LMBR1: variants seen among roughly 807,000 people sequenced by gnomAD.
LMBR1 encodes the protein limb development membrane protein 1, also known as limb region 1 protein homolog.
A neutral mutation model predicts 73.9 loss-of-function variants in LMBR1; 52 were observed. The ratio of observed to expected loss-of-function variants is 0.70; its 90% CI spans 0.56 to 0.89. LMBR1 has a LOEUF of 0.89. Ranked by LOEUF, LMBR1 falls within the 40% of genes least tolerant of loss-of-function variation. The pLI is 0.00. For missense variants in LMBR1, 539 were observed against 579.8 expected (o/e 0.93, Z 0.72); for synonymous variants, 215 against 209.4 (o/e 1.03, Z -0.23).
chr7:156,685,585 C>T lies in LMBR1; in HGVS notation c.1388-1422G>A, dbSNP rs1355018596. On this transcript the variant is annotated intron_variant, in intron 16 of 16. Transcript: ENST00000353442. The surrounding 1 kb of genome is among the most constrained non-coding windows in gnomAD (Gnocchi z 4.1). The stretch of plus-strand genomic sequence containing the variant: ...ATCTGTGCATCTAGAAACATATGAA[C>T]CTAGAAAAGCTGATGCGTGGCGCCA... 1.3e-5 allele frequency among the ~76,000 whole-genome samples: 2 copies of T among 152,202 alleles called. No individual in the cohort carries two copies.
intron 4 of LMBR1, among the ~76,000 whole-genome samples, chr7:156,671,016 A>G (rs1802365417): frequency 6.6e-6 from 1 of 152,076 alleles, no homozygotes; most frequent in Non-Finnish European, 1.5e-5. Flanking sequence ...AAAATTAAGT[A>G]TGCTCAGATC....
intron 4 of LMBR1, among the ~76,000 whole-genome samples, chr7:156,811,448 A>T (rs1337547991): frequency 1.3e-5 from 2 of 151,928 alleles, no homozygotes; most frequent in African/African-American, 4.8e-5. Flanking sequence ...CGTCTCTACT[A>T]AAAATACAAA....
chr7:156,688,440 A>G (rs1213058674), intron 15 of LMBR1, among the ~76,000 whole-genome samples: 1 of 152,092 alleles, frequency 6.6e-6, no homozygotes, highest in Non-Finnish European at 1.5e-5. Context: ...GGTCAGAATG[A>G]ACGCCCCTCG....
At position 156,685,299 on chromosome 7, in the gene LMBR1, C is replaced by A. The variant is rs1433215604; in HGVS notation, c.1388-1136G>T. Among the ~76,000 whole-genome samples, 1 of 152,188 alleles carries A rather than the reference C, an allele frequency of 6.6e-6. No individual in the cohort carries two copies. The highest frequency in any genetic ancestry group is 1.5e-5 in the Non-Finnish European group (1 of 68,032). ...TGTAAGAGCTTCTGTGGCACTGGAG[C>A]GTCAAGCACTTTAATAAAAATGAAA... is the stretch of plus-strand genomic sequence containing the variant. On this transcript the variant is annotated intron_variant, in intron 16 of 16. Transcript: ENST00000353442. This position sits in a 1 kb window ranked among gnomAD's most constrained non-coding sequence, Gnocchi z 4.1.
chr7:156,747,621 G>T (rs959619079), intron 9 of LMBR1, among the ~76,000 whole-genome samples: 8 of 152,014 alleles, frequency 5.3e-5, no homozygotes, highest in African/African-American at 1.9e-4. Flanking sequence ...CTCATAATGA[G>T]TACTATTTGG....
chr7:156,880,602 C>T (rs1370384111), intron 1 of LMBR1, among the ~76,000 whole-genome samples: 1 of 152,078 alleles, frequency 6.6e-6, no homozygotes, highest in African/African-American at 2.4e-5. Context: ...GTCAAAATAT[C>T]CATAATACCC....
chr7:156,888,804 C>A (rs1445760080), intron 1 of LMBR1, among the ~76,000 whole-genome samples: 1 of 152,110 alleles, frequency 6.6e-6, no homozygotes, highest in Non-Finnish European at 1.5e-5. Context: ...CCTGTAATCC[C>A]AGCACTTTGG....
intron 9 of LMBR1, among the ~76,000 whole-genome samples, chr7:156,740,475 A>G (rs1043349430): frequency 5.3e-5 from 8 of 152,178 alleles, no homozygotes; most frequent in Non-Finnish European, 8.8e-5. Context: ...TCAAGGATAA[A>G]GAAAGGATCC....
At chr7:156,781,051 C>T (rs1827045893) in intron 5 of LMBR1, among the ~76,000 whole-genome samples, 1 of 152,136 alleles carries the variant, frequency 6.6e-6, no homozygotes, top group African/African-American at 2.4e-5. Context: ...TTGTAAGAAA[C>T]CTGTAATGCA....
intron 4 of LMBR1, among the ~76,000 whole-genome samples, chr7:156,816,448 G>T (rs1232938511): frequency 6.6e-6 from 1 of 152,174 alleles, no homozygotes; most frequent in Non-Finnish European, 1.5e-5. Flanking sequence ...AGTAATGTCT[G>T]TTGGACAACT....
chr7:156,841,929 T>C lies in LMBR1; in HGVS notation c.67-5044A>G, dbSNP rs528477431. On this transcript the variant is annotated intron_variant, in intron 1 of 16. Transcript: ENST00000353442. ...TGAATAATCCAGTAGAGAGAAAAAT[T>C]ATTGATGCAAGAGAAAAAAGAAGCA... 8.5e-5 allele frequency among the ~76,000 whole-genome samples: 12 copies of C among 140,362 alleles called. 1 individual carries two copies. The South Asian group carries it at 2.4e-3, about 29-fold the overall frequency. 92.1% of individuals were successfully genotyped at this position (140,362 alleles called of 152,430 possible). A position where few individuals can be genotyped will look rare whatever the true frequency, so the allele number is the denominator to read the frequency against.
At chr7:156,824,700 C>A (rs1333379846) in intron 4 of LMBR1, among the ~76,000 whole-genome samples, 1 of 152,002 alleles carries the variant, frequency 6.6e-6, no homozygotes, top group Non-Finnish European at 1.5e-5. Context: ...CAAAAATTAG[C>A]TTGGCGTGGT....
chr7:156,856,369 T>C (rs1796973980), intron 1 of LMBR1, among the ~76,000 whole-genome samples: 1 of 152,114 alleles, frequency 6.6e-6, no homozygotes, highest in Non-Finnish European at 1.5e-5. Context: ...TTAAAAGATC[T>C]TCATAAAAGA....
chr7:156,888,660 G>A (rs966568396), intron 1 of LMBR1, among the ~76,000 whole-genome samples: 1 of 152,314 alleles, frequency 6.6e-6, no homozygotes, highest in South Asian at 2.1e-4. Flanking sequence ...GCTCCCGCCT[G>A]TAATCCCAGC....
intron 1 of LMBR1, among the ~76,000 whole-genome samples, chr7:156,877,836 T>A (rs1398388590): frequency 6.9e-6 from 1 of 145,222 alleles, no homozygotes; most frequent in East Asian, 2.0e-4. Context: ...TGAGCAGAGA[T>A]CGCGCCACTG....
chr7:156,688,034 G>C lies in LMBR1; in HGVS notation c.1383C>G (p.Ala461=), dbSNP rs774775736. The change falls in exon 16 of 17, where the codon GCC becomes GCG. Residue 461 remains alanine (A), a synonymous_variant. Coordinates refer to ENST00000353442, the MANE Select transcript of LMBR1 (RefSeq NM_022458.4). ...ACCCATAAACCTCAGGATTACCTAG[G>C]GCCTTGAAAAGTTCTTCTCGAACTG... ...TSAVREELFK[A]LGLHKLHLPN... The C allele has an allele frequency of 6.3e-7, 1 of 1,598,000 alleles. No individual in the cohort carries two copies. The highest frequency in any genetic ancestry group is 1.1e-5 in the South Asian group (1 of 87,058).
chr7:156,880,575 T>C (rs896161930), intron 1 of LMBR1, among the ~76,000 whole-genome samples: 1 of 152,076 alleles, frequency 6.6e-6, no homozygotes, highest in Non-Finnish European at 1.5e-5. Context: ...TGTTCATGGA[T>C]TGGAAGATTT....
chr7:156,881,396 C>T (rs1041179042), intron 1 of LMBR1, among the ~76,000 whole-genome samples: 4 of 152,146 alleles, frequency 2.6e-5, no homozygotes, highest in Non-Finnish European at 4.4e-5. Flanking sequence ...GAGAAAAACA[C>T]CGAAGGAAGC....
chr7:156,833,493 A>G, intron 3 of LMBR1: 1 of 425,370 alleles, frequency 2.4e-6, no homozygotes, highest in South Asian at 2.8e-5. Context: ...TCTTATGACC[A>G]AGCAATTAAA....
Sources: allele counts gnomAD v4.1 joint callset (sites outside exome capture counted in the v4.1 genomes callset), GRCh38; gene constraint gnomAD v4.1.1; non-coding constraint Gnocchi (gnomAD v3.1); transcripts MANE v1.5; gene names NCBI Gene and HGNC (gene_info 2026-07-23, HGNC 2026-07-21).